Variants in VWDE observed in about 807,000 individuals in gnomAD.
VWDE encodes von Willebrand factor D and EGF domain-containing protein.
In VWDE, 207 loss-of-function variants were observed where a neutral mutation model predicts 178.4. That is an observed-to-expected ratio of 1.16 (90% CI 1.04 to 1.30). The LOEUF (loss-of-function observed/expected upper bound fraction) is 1.30. Among genes scored for constraint, VWDE ranks in the 50% most tolerant of loss-of-function variants. The pLI is 0.00. For synonymous variants in VWDE, 738 were observed against 651.4 expected (o/e 1.13, Z -2.02); for missense variants, 2,287 against 1,901.3 (o/e 1.20, Z -3.77).
chr7:12,381,476 T>C (rs1048260012), intron 4 of VWDE, among the ~76,000 whole-genome samples: 3 of 152,090 alleles, frequency 2.0e-5, no homozygotes, highest in African/African-American at 7.2e-5. Context: ...TTTATAAATA[T>C]GCTAATTTTA....
rs530862705 is a variant in VWDE, at chr7:12,391,233, C to T, written c.244-1875G>A. Among the ~76,000 whole-genome samples the T allele has an allele frequency of 9.5e-4, 145 of 152,270 alleles. 2 individuals carry two copies. The South Asian group carries it at 0.011, about 12-fold the overall frequency. On this transcript the variant is annotated intron_variant, in intron 2 of 28. Transcript: ENST00000275358. ...GATTATGAAGAAATGTTGTTCCATT[C>T]CTGTTCTTTATTTCCTAAGCTTTAT...
At chr7:12,393,875 C>T (rs1031660043) in intron 1 of VWDE, 97 bp from the exon 2 acceptor site, 4 of 1,064,954 alleles carry the variant, frequency 3.8e-6, no homozygotes, top group Non-Finnish European at 5.3e-6. Flanking sequence ...AAAAATAAAG[C>T]AAATAAACTC....
chr7:12,338,514 A>G (rs1231583233), intron 24 of VWDE, among the ~76,000 whole-genome samples: 1 of 152,158 alleles, frequency 6.6e-6, no homozygotes, highest in Non-Finnish European at 1.5e-5. Flanking sequence ...GCTATAATTA[A>G]TCATCCACAA....
chr7:12,346,865 A>T (rs960700870), intron 19 of VWDE, among the ~76,000 whole-genome samples: 1 of 152,174 alleles, frequency 6.6e-6, no homozygotes, highest in African/African-American at 2.4e-5. Context: ...TTCTCAAAGC[A>T]TTAAGATTTT....
chr7:12,376,290 T>C (rs111761262), intron 7 of VWDE, among the ~76,000 whole-genome samples: 14,293 of 151,098 alleles, frequency 0.095, 906 homozygotes, highest in Non-Finnish European at 0.14. Flanking sequence ...TGTTTAGAAA[T>C]ACACTCAGAC....
intron 27 of VWDE, among the ~76,000 whole-genome samples, chr7:12,335,636 TA>T (rs537847617): frequency 0.019 from 2,824 of 152,208 alleles, 80 homozygotes; most frequent in African/African-American, 0.064. Flanking sequence ...TTTGTATTTT[TA>T]GTAGAGACGG....
intron 4 of VWDE, among the ~76,000 whole-genome samples, chr7:12,381,026 ACTTAT>A (rs1479373597): frequency 4.6e-5 from 7 of 152,222 alleles, no homozygotes; most frequent in African/African-American, 1.7e-4. Flanking sequence ...TCTTTGAAGC[ACTTAT>A]CTTTTCTAAA....
At chr7:12,366,896 G>A (rs932148939) in intron 13 of VWDE, among the ~76,000 whole-genome samples, 16 of 151,978 alleles carry the variant, frequency 1.1e-4, no homozygotes, top group African/African-American at 3.1e-4. Context: ...CCTTTAGAAA[G>A]ATAAATACTA....
rs985924111 is a variant in VWDE at position 12,333,684 on chromosome 7, C to G, written c.4655-116G>C. ...TGGACACCAATGCAGTCATAAGAAT[C>G]TATTAATGAACCATCAATGAATGGA... On this transcript the variant is annotated intron_variant, in intron 27 of 28. Transcript: ENST00000275358. The G allele has an allele frequency of 7.4e-5, 50 of 676,124 alleles. No homozygotes were observed. The African/African-American group carries it at 8.6e-4, about 12-fold the overall frequency. The allele number at this position is 676,124 out of a possible 1,614,324, so 41.9% of individuals were successfully genotyped here.
intron 1 of VWDE, among the ~76,000 whole-genome samples, chr7:12,399,335 G>C (rs1198160408): frequency 6.6e-6 from 1 of 152,068 alleles, no homozygotes; most frequent in Non-Finnish European, 1.5e-5. Context: ...AGAGACAAGA[G>C]GGACACTTTA....
In VWDE at chr7:12,393,768, G is replaced by C. The variant is rs1372211765; in HGVS notation, c.69C>G (p.Cys23Trp). ...MFLAWGEAQE[C>W]SPGGHQFLRS... ...GAAGAAACTGGTGTCCCCCAGGAGA[G>C]CACTCCTGAGCTAGTATGGAAAGAC... is the stretch of plus-strand genomic sequence containing the variant. The change falls in exon 2 of 29, where the codon TGC becomes TGG. Residue 23 changes from cysteine to tryptophan, a missense_variant. Cys to Trp is a radical substitution (Grantham distance 215). Coordinates refer to ENST00000275358, the MANE Select transcript of VWDE (RefSeq NM_001135924.3). 3 of 1,546,142 alleles carry C rather than the reference G, an allele frequency of 1.9e-6. No homozygotes were observed. The highest frequency in any genetic ancestry group is 2.4e-5 in the South Asian group (2 of 82,850).
In VWDE at chr7:12,389,318, A is replaced by G. The variant is rs973349840; in HGVS notation, c.284T>C (p.Leu95Pro). Residue 95 changes from leucine to proline, a missense_variant, in exon 3 of 29, where the codon CTG becomes CCG. By Grantham distance (98) the Leu-to-Pro change is moderately conservative (BLOSUM62 -3). Transcript: ENST00000275358. ...CGTQAPIWLS[L>P]RDSETLPSPG... is the part of the protein sequence containing the mutation. The stretch of plus-strand genomic sequence containing the variant: ...AGATGGCAGTGTTTCTGAATCTCTC[A>G]GAGACAGCCAGATGGGGGCCTGAGT... The G allele has an allele frequency of 1.5e-5, 24 of 1,550,780 alleles. No homozygotes were observed. Among genetic ancestry groups the G allele is most frequent in the Non-Finnish European group, 1.9e-5 (22 of 1,146,184 alleles).
chr7:12,351,638 T>A lies in VWDE; in HGVS notation c.3821A>T (p.Glu1274Val). 1 of 1,547,338 alleles carries A rather than the reference T, an allele frequency of 6.5e-7. No homozygotes were observed. The highest frequency in any genetic ancestry group is 8.7e-7 in the Non-Finnish European group (1 of 1,145,568). ...CCCTTGGGCATTTTTATCATCCTCTTCTTTATTTACACTTTTATCAGATCT... is the reference window on the plus strand; with the variant it reads ...CCCTTGGGCATTTTTATCATCCTCTACTTTATTTACACTTTTATCAGATCT... Reference protein sequence around the residue: ...LTRSDKSVNKEEDDKNAQGRK... With the variant: ...LTRSDKSVNKVEDDKNAQGRK... Residue 1274 changes from glutamate to valine, a missense_variant, in exon 19 of 29, where the codon GAA (glutamate) becomes GTA (valine). Glu to Val is a moderately radical substitution (Grantham distance 121). Transcript: ENST00000275358.
Position 12,370,729 on chromosome 7 carries a change from C to T in VWDE, c.1723G>A (p.Asp575Asn). 1 of 1,551,104 alleles carries T rather than the reference C, an allele frequency of 6.4e-7. No homozygotes were observed. The highest frequency in any genetic ancestry group is 1.2e-5 in the South Asian group (1 of 84,032). The part of the protein sequence containing the change: ...CGTFDENPEN[D>N]FHDKNGMQID... ...TGCATCCCATTTTTGTCATGGAAAT[C>T]ATTTTCCGGATTTTCATCAAAGGTT... The change falls in exon 11 of 29, where the codon GAT becomes AAT. Residue 575 changes from aspartate to asparagine, a missense_variant. By Grantham distance (23) the Asp-to-Asn change is conservative (BLOSUM62 1). Transcript: ENST00000275358.
At chr7:12,403,082 A>T (rs1047150316) in intron 1 of VWDE, among the ~76,000 whole-genome samples, 16 of 152,222 alleles carry the variant, frequency 1.1e-4, no homozygotes, top group Admixed American at 1.0e-3. Context: ...TTAAAGAAGT[A>T]GGAGGGGAGT....
intron 15 of VWDE, 129 bp from the exon 16 acceptor site, chr7:12,359,821 TA>T: frequency 1.8e-6 from 1 of 555,942 alleles, no homozygotes. Context: ...TGATACTTCA[TA>T]ATCGTAAGTG....
At chr7:12,349,232 T>C (rs1175047835) in intron 19 of VWDE, among the ~76,000 whole-genome samples, 2 of 68,292 alleles carry the variant, frequency 2.9e-5, no homozygotes, top group Non-Finnish European at 5.3e-5. Context: ...ATAATAATCA[T>C]AATAATAAAT....
rs751797818 is a variant in VWDE, at chr7:12,393,618, G to A, written c.219C>T (p.Ala73=). ...CCTCAACACATTTGGTTGGCATCTC[G>A]GCAGGTCTGTCAAGGATGAGAAATC... ...WYRFLILDRP[A]EMPTKCVEMN... is the part of the protein sequence containing the mutation. Residue 73 remains alanine (A), a synonymous_variant, in exon 2 of 29, where the codon GCC becomes GCT. Coordinates refer to ENST00000275358, the MANE Select transcript of VWDE (RefSeq NM_001135924.3). 6.5e-6 allele frequency: 10 copies of A among 1,549,608 alleles called. No homozygotes were observed. The highest frequency in any genetic ancestry group is 2.7e-5 in the African/African-American group (2 of 72,908).
chr7:12,367,850 G>GA (rs1378041665), intron 12 of VWDE, among the ~76,000 whole-genome samples: 1 of 151,936 alleles, frequency 6.6e-6, no homozygotes, highest in Admixed American at 6.6e-5. Flanking sequence ...CTGGGTTATA[G>GA]AAAAAAATAT....
Sources: allele counts gnomAD v4.1 joint callset (sites outside exome capture counted in the v4.1 genomes callset), GRCh38; gene constraint gnomAD v4.1.1; transcripts MANE v1.5; gene names NCBI Gene and HGNC (gene_info 2026-07-23, HGNC 2026-07-21).